The following PLCE1 variants were observed in gnomAD, a reference collection of about 807,000 sequenced individuals.
PLCE1 encodes phospholipase C epsilon 1.
Under a neutral mutation model 242.8 loss-of-function variants are expected in PLCE1, and 119 were observed. The observed-to-expected ratio is 0.49, with a 90% confidence interval of 0.42 to 0.57. The LOEUF (loss-of-function observed/expected upper bound fraction) is 0.57, where lower values mean the gene tolerates loss of function less well. Ranked by LOEUF, PLCE1 falls within the 20% of genes least tolerant of loss-of-function variation. The pLI is 0.00. For synonymous variants in PLCE1, 945 were observed against 1,017.4 expected (o/e 0.93, Z 1.35); for missense variants, 2,441 against 2,788.8 (o/e 0.88, Z 2.81).
At chr10:94,018,325 C>T (rs778296959) in intron 1 of PLCE1, among the ~76,000 whole-genome samples, 3 of 152,168 alleles carry the variant, frequency 2.0e-5, no homozygotes, top group Non-Finnish European at 4.4e-5. Flanking sequence ...TGCTATGCTA[C>T]TTTGACCTGC....
intron 8 of PLCE1, among the ~76,000 whole-genome samples, 160 bp downstream of exon 8, chr10:94,246,781 T>A (rs2050698385): frequency 6.6e-6 from 1 of 152,094 alleles, no homozygotes; most frequent in South Asian, 2.1e-4. Context: ...AATCCCCTTT[T>A]CTATAAAATG....
intron 2 of PLCE1, among the ~76,000 whole-genome samples, chr10:94,101,776 C>G (rs1351148190): frequency 1.3e-5 from 2 of 152,226 alleles, no homozygotes; most frequent in Non-Finnish European, 2.9e-5. Context: ...ATGTTGCCCC[C>G]TGCTCTGTGT....
intron 2 of PLCE1, among the ~76,000 whole-genome samples, chr10:94,065,112 C>T (rs1401170506): frequency 6.6e-6 from 1 of 152,136 alleles, no homozygotes; most frequent in East Asian, 1.9e-4. Flanking sequence ...TCTCACATCA[C>T]CTAAGCCTGA....
At chr10:94,139,693 C>CT (rs1350750201) in intron 3 of PLCE1, among the ~76,000 whole-genome samples, 1 of 147,648 alleles carries the variant, frequency 6.8e-6, no homozygotes, top group African/African-American at 2.5e-5. Flanking sequence ...CAGGAGCTGC[C>CT]TTGCCCCCCT....
intron 19 of PLCE1, among the ~76,000 whole-genome samples, chr10:94,277,133 C>T (rs1226788695): frequency 6.6e-6 from 1 of 152,160 alleles, no homozygotes; most frequent in Non-Finnish European, 1.5e-5. Flanking sequence ...TGAAGCCCTC[C>T]ACCTGCCTCT....
At position 94,306,429 on chromosome 10, in the gene PLCE1, T is replaced by A. The variant is rs762686660; in HGVS notation, c.5625T>A (p.Ile1875=). The change falls in exon 26 of 33, where the codon ATT becomes ATA. Residue 1875 remains isoleucine (I), a splice_region_variant and synonymous_variant. Transcript: ENST00000371380. This position sits in a 1 kb window ranked among gnomAD's most constrained non-coding sequence, Gnocchi z 5.7. ...SMDPAVYSLT[I]VSGQNVCPSN... ...CCCTTTTGTCTCCCTCACCCTAGAT[T>A]GTCTCTGGTCAGAATGTGTGCCCCA... The A allele has an allele frequency of 6.2e-7, 1 of 1,614,140 alleles. No homozygotes were observed. The highest frequency in any genetic ancestry group is 8.5e-7 in the Non-Finnish European group (1 of 1,180,002).
chr10:94,095,820 G>A (rs1019612065), intron 2 of PLCE1, among the ~76,000 whole-genome samples: 1 of 152,170 alleles, frequency 6.6e-6, no homozygotes, highest in Non-Finnish European at 1.5e-5. Flanking sequence ...GGGTACAGGT[G>A]GGATTTGAGC....
At chr10:94,322,541 T>C (rs956764354) in intron 30 of PLCE1, among the ~76,000 whole-genome samples, 5 of 152,066 alleles carry the variant, frequency 3.3e-5, no homozygotes, top group African/African-American at 7.2e-5. Flanking sequence ...TCCCAACACT[T>C]TGTGGGGCCA....
Position 94,031,163 on chromosome 10 carries a change from A to T in PLCE1, c.117A>T (p.Ser39=), listed in dbSNP as rs1237875648. 4 of 1,613,758 alleles carry T rather than the reference A, an allele frequency of 2.5e-6. No homozygotes were observed. Among genetic ancestry groups the T allele is most frequent in the Non-Finnish European group, 3.4e-6 (4 of 1,179,874 alleles). ...AAAAGGTCTCAGACATCAATATTTCAAAAGCACATACTGTCAGACGAAGTG... is the reference window on the plus strand; with the variant it reads ...AAAAGGTCTCAGACATCAATATTTCTAAAGCACATACTGTCAGACGAAGTG... ...SSEKVSDINI[S]KAHTVRRSGE... is the part of the protein sequence containing the mutation. Residue 39 remains serine (S), a synonymous_variant, in exon 2 of 33, where the codon TCA becomes TCT. Transcript: ENST00000371380.
At position 94,246,256 on chromosome 10, in the gene PLCE1, C is replaced by T. The variant is rs1023013888; in HGVS notation, c.2731C>T (p.Leu911Phe). The change falls in exon 8 of 33, where the codon CTT becomes TTT. Residue 911 changes from leucine (L) to phenylalanine (F), a missense_variant. Leu to Phe is a conservative substitution (Grantham distance 22). Transcript: ENST00000371380. ...CAGCAGTAAAGCAAAACTTGGTGTA[C>T]TTAATAACACAGCTGAGCCTGGAAA... ...PASSKAKLGV[L>F]NNTAEPGKFP... 9.3e-6 allele frequency: 15 copies of T among 1,614,092 alleles called. No homozygotes were observed. The highest frequency in any genetic ancestry group is 5.0e-5 in the Admixed American group (3 of 60,012).
chr10:94,047,013 T>A (rs2061898329), intron 2 of PLCE1, among the ~76,000 whole-genome samples: 1 of 152,204 alleles, frequency 6.6e-6, no homozygotes, highest in African/African-American at 2.4e-5. Context: ...ATAACCTTTT[T>A]AAAATAAAAA....
chr10:94,328,779 T>G lies in PLCE1; in HGVS notation c.*836T>G, dbSNP rs546716641. ...TTTTACATATAGAAATAATATTGGG[T>G]TTTTTTTAAGGTTATTGCCTATTCA... On this transcript the variant is annotated 3_prime_UTR_variant, in exon 33 of 33. Transcript: ENST00000371380. The G allele has an allele frequency of 2.3e-4, 35 of 152,040 alleles. No homozygotes were observed. Among genetic ancestry groups the G allele is most frequent in the African/African-American group, 8.4e-4 (35 of 41,446 alleles). The allele number at this position is 152,040 out of a possible 1,614,324, so 9.4% of individuals were successfully genotyped here. A position where few individuals can be genotyped will look rare whatever the true frequency, so the allele number is the denominator to read the frequency against.
chr10:94,228,285 A>G (rs11187826), intron 5 of PLCE1, among the ~76,000 whole-genome samples: 13,250 of 152,302 alleles, frequency 0.087, 709 homozygotes, highest in East Asian at 0.16. Flanking sequence ...GAAGAAGAGC[A>G]TGAGTTCTTA....
At chr10:94,126,185 G>T (rs1414764047) in intron 2 of PLCE1, among the ~76,000 whole-genome samples, 1 of 152,054 alleles carries the variant, frequency 6.6e-6, no homozygotes, top group Non-Finnish European at 1.5e-5. Context: ...AAATCATTTT[G>T]CCCAAACCAC....
intron 3 of PLCE1, among the ~76,000 whole-genome samples, chr10:94,154,012 T>G (rs549607572): frequency 6.6e-6 from 1 of 152,136 alleles, no homozygotes; most frequent in Non-Finnish European, 1.5e-5. Flanking sequence ...TTTGCAGAAA[T>G]GAATAGGGAA....
intron 2 of PLCE1, among the ~76,000 whole-genome samples, chr10:94,123,382 G>A (rs759983320): frequency 2.6e-5 from 4 of 152,250 alleles, no homozygotes; most frequent in East Asian, 3.9e-4. Flanking sequence ...TGGTTAATTC[G>A]CCTGGTTTTA....
chr10:94,321,478 A>G (rs1396638709), intron 29 of PLCE1, among the ~76,000 whole-genome samples: 2 of 152,206 alleles, frequency 1.3e-5, no homozygotes, highest in African/African-American at 4.8e-5. Flanking sequence ...TTAAAAATAC[A>G]AAAATTAGGC....
chr10:94,222,527 C>G (rs1353487234), intron 4 of PLCE1, among the ~76,000 whole-genome samples: 1 of 152,214 alleles, frequency 6.6e-6, no homozygotes, highest in Non-Finnish European at 1.5e-5. Flanking sequence ...GGGGGCACCA[C>G]AGAGCATGCA....
chr10:94,045,244 C>T (rs533439376), intron 2 of PLCE1, among the ~76,000 whole-genome samples: 1 of 152,214 alleles, frequency 6.6e-6, no homozygotes, highest in East Asian at 1.9e-4. Flanking sequence ...CTTGCCTCAG[C>T]CCCCTGAGAA....
Sources: allele counts gnomAD v4.1 joint callset (sites outside exome capture counted in the v4.1 genomes callset), GRCh38; gene constraint gnomAD v4.1.1; non-coding constraint Gnocchi (gnomAD v3.1); transcripts MANE v1.5; gene names NCBI Gene and HGNC (gene_info 2026-07-23, HGNC 2026-07-21).